F8: variants seen among roughly 807,000 people sequenced by gnomAD.
The protein encoded by F8 is coagulation factor VIII.
A neutral mutation model predicts 140.6 loss-of-function variants in F8; 12 were observed. The observed-to-expected ratio is 0.09, with a 90% CI of 0.05 to 0.14. The LOEUF (loss-of-function observed/expected upper bound fraction) is 0.14, where lower values mean the gene tolerates loss of function less well. Ranked by LOEUF, F8 falls within the 10% of genes least tolerant of loss-of-function variation. F8 has a pLI of 1.00. For synonymous variants in F8, 585 were observed against 614.6 expected (o/e 0.95, Z 0.71); for missense variants, 1,354 against 1,720.7 (o/e 0.79, Z 3.77).
chrX:154,985,497 T>C (rs782759353), intron 5 of F8, among the ~76,000 whole-genome samples: 211 of 111,903 alleles, frequency 1.9e-3, no homozygotes, highest in Non-Finnish European at 3.5e-3. Flanking sequence ...TCAGTCCCTG[T>C]CTCCGTTATA....
At chrX:154,906,602 T>C (rs1557276384) in intron 14 of F8, 29 bp from the exon 15 acceptor site, 3 of 1,192,963 alleles carry the variant, frequency 2.5e-6, no homozygotes, top group Non-Finnish European at 3.4e-6. Flanking sequence ...GGAAAAGCAA[T>C]AATTTTATGT....
intron 12 of F8, among the ~76,000 whole-genome samples, chrX:154,951,070 T>C (rs782551922): frequency 2.5e-4 from 28 of 112,231 alleles, no homozygotes; most frequent in African/African-American, 9.0e-4. Context: ...TAGTTACCCA[T>C]ATCAGAAATT....
At chrX:154,854,587 T>TC (rs2072637648) in intron 25 of F8, among the ~76,000 whole-genome samples, 1 of 88,127 alleles carries the variant, frequency 1.1e-5, no homozygotes, top group East Asian at 4.2e-4. Flanking sequence ...ATGAGCTAAT[T>TC]CCTTGTGTGT....
chrX:154,974,710 T>C (rs1451164055), intron 6 of F8, among the ~76,000 whole-genome samples: 5 of 111,278 alleles, frequency 4.5e-5, no homozygotes, highest in African/African-American at 1.6e-4. Flanking sequence ...GTGAAGCCAT[T>C]GGGTACTGAA....
chrX:154,907,531 C>A (rs1374442049), intron 14 of F8, among the ~76,000 whole-genome samples: 1 of 111,995 alleles, frequency 8.9e-6, no homozygotes, highest in Non-Finnish European at 1.9e-5. Context: ...GCAGCTGGAC[C>A]ATTTTCCATT....
intron 14 of F8, among the ~76,000 whole-genome samples, chrX:154,926,982 C>T (rs183670647): frequency 6.9e-4 from 77 of 111,081 alleles, no homozygotes; most frequent in Non-Finnish European, 1.2e-3. Flanking sequence ...AAGAAGGACT[C>T]GCAAAGTTGA....
At chrX:154,972,370 T>C (rs1490774737) in intron 6 of F8, among the ~76,000 whole-genome samples, 1 of 111,642 alleles carries the variant, frequency 9.0e-6, no homozygotes, top group Non-Finnish European at 1.9e-5. Flanking sequence ...ATAGGATTAT[T>C]TGGACTTTTG....
At chrX:154,840,042 C>A (rs1018721215) in intron 25 of F8, among the ~76,000 whole-genome samples, 3 of 111,810 alleles carry the variant, frequency 2.7e-5, no homozygotes, top group Non-Finnish European at 5.6e-5. Context: ...AGGGGGCATG[C>A]GATGCCAGAT....
At chrX:155,013,340 G>A (rs2073718675) in intron 1 of F8, among the ~76,000 whole-genome samples, 1 of 109,442 alleles carries the variant, frequency 9.1e-6, no homozygotes, top group African/African-American at 3.3e-5. Context: ...GTCTCATGAG[G>A]GCTGATGGTT....
intron 1 of F8, among the ~76,000 whole-genome samples, chrX:155,013,617 C>A: frequency 8.9e-6 from 1 of 111,971 alleles, no homozygotes; most frequent in Non-Finnish European, 1.9e-5. Context: ...CCATCATGAA[C>A]ACAGACGCAA....
intron 25 of F8, among the ~76,000 whole-genome samples, chrX:154,840,296 T>C (rs1358298272): frequency 8.9e-6 from 1 of 112,220 alleles, no homozygotes; most frequent in Non-Finnish European, 1.9e-5. Flanking sequence ...TATGATCCAT[T>C]ACCCTCATTA....
chrX:154,845,117 C>A (rs1307305071), intron 25 of F8, among the ~76,000 whole-genome samples: 1 of 111,781 alleles, frequency 8.9e-6, no homozygotes, highest in African/African-American at 3.3e-5. Flanking sequence ...TATGTTGAAC[C>A]AGCCTTGCAT....
chrX:154,892,583 T>G (rs2072951296), intron 22 of F8, among the ~76,000 whole-genome samples: 1 of 112,563 alleles, frequency 8.9e-6, no homozygotes, highest in Non-Finnish European at 1.9e-5. Flanking sequence ...AACATAACCT[T>G]AGAATTGCAT....
rs370993268 is a variant in F8, at chrX:154,931,693, A to G, written c.2114-17T>C. The G allele has an allele frequency of 1.1e-5, 13 of 1,170,513 alleles. No homozygotes were observed. The African/African-American group carries it at 2.1e-4, about 19-fold the overall frequency. On this transcript the variant is annotated splice_polypyrimidine_tract_variant and intron_variant, in intron 13 of 25. Coordinates refer to ENST00000360256, the MANE Select transcript of F8 (RefSeq NM_000132.4). ...TCCATAGACCTGGAGATGAGGAAGA[A>G]TAAGACTCTGGTTACTCATAACACA...
At chrX:154,855,003 C>A (rs2072641637) in intron 25 of F8, among the ~76,000 whole-genome samples, 1 of 111,018 alleles carries the variant, frequency 9.0e-6, no homozygotes, top group East Asian at 2.8e-4. Context: ...GCCTGTAATC[C>A]CAACTACTCG....
chrX:154,874,658 A>T (rs1473299555), intron 22 of F8, among the ~76,000 whole-genome samples: 1 of 112,201 alleles, frequency 8.9e-6, no homozygotes, highest in African/African-American at 3.2e-5. Context: ...TGGGGAAAAC[A>T]CTCAAACCAT....
chrX:154,996,956 G>C lies in F8; in HGVS notation c.388+17C>G. ...TATTCATAGAATGACAGGACAATAG[G>C]AGGGTATTTTACTCACCCTCAGAAG... On this transcript the variant is annotated intron_variant, in intron 3 of 25. Transcript: ENST00000360256. The C allele has an allele frequency of 8.3e-7, 1 of 1,209,204 alleles. No individual in the cohort carries two copies. The highest frequency in any genetic ancestry group is 1.1e-6 in the Non-Finnish European group (1 of 893,375).
chrX:155,001,312 C>CTTT (rs35281198), intron 1 of F8, among the ~76,000 whole-genome samples: 26 of 75,948 alleles, frequency 3.4e-4, no homozygotes, highest in East Asian at 1.3e-3. Flanking sequence ...TATCGTAAAT[C>CTTT]TTTTTTTTTT....
Position 154,896,249 on chromosome X carries a change from C to T in F8, c.6274-17G>A. 1 of 1,200,147 alleles carries T rather than the reference C, an allele frequency of 8.3e-7. No individual in the cohort carries two copies. The highest frequency in any genetic ancestry group is 1.1e-6 in the Non-Finnish European group (1 of 885,964). ...CAGATCCACCTACCAATTAAAATAA[C>T]ACTTTATTTTAACCTATTTTTAAAT... On this transcript the variant is annotated splice_polypyrimidine_tract_variant and intron_variant, in intron 21 of 25. Transcript: ENST00000360256.
Sources: allele counts gnomAD v4.1 joint callset (sites outside exome capture counted in the v4.1 genomes callset), GRCh38; gene constraint gnomAD v4.1.1; transcripts MANE v1.5; gene names NCBI Gene and HGNC (gene_info 2026-07-23, HGNC 2026-07-21).